The following KCNH7 variants were observed in gnomAD, a reference collection of about 807,000 sequenced individuals.
KCNH7 encodes potassium voltage-gated channel subfamily H member 7.
KCNH7 carries 49 observed loss-of-function variants against 120.8 expected under a neutral mutation model. The ratio of observed to expected loss-of-function variants is 0.41; its 90% CI spans 0.32 to 0.51. KCNH7 has a LOEUF of 0.51. Ranked by LOEUF, KCNH7 falls within the 20% of genes least tolerant of loss-of-function variation. The pLI, the probability that KCNH7 is intolerant of heterozygous loss-of-function variation, is 0.38. For synonymous variants in KCNH7, 547 were observed against 516.1 expected (o/e 1.06, Z -0.81); for missense variants, 1,097 against 1,446.6 (o/e 0.76, Z 3.92).
At chr2:162,389,429 C>T (rs1488150515) in intron 12 of KCNH7, among the ~76,000 whole-genome samples, 3 of 151,828 alleles carry the variant, frequency 2.0e-5, no homozygotes, top group Non-Finnish European at 4.4e-5. Context: ...GGCTACTTGC[C>T]GACTTTATTC....
intron 2 of KCNH7, among the ~76,000 whole-genome samples, chr2:162,747,264 A>G (rs1296635486): frequency 6.6e-6 from 1 of 152,186 alleles, no homozygotes; most frequent in East Asian, 1.9e-4. Flanking sequence ...AATCTTAAAA[A>G]GAAGCTTTAT....
At position 162,596,227 on chromosome 2, in the gene KCNH7, C is replaced by A. The variant is rs79521592; in HGVS notation, c.308-59147G>T. Among the ~76,000 whole-genome samples the A allele has an allele frequency of 2.0e-5, 3 of 151,974 alleles. No homozygotes were observed. In the East Asian group the frequency reaches 5.8e-4, roughly 29 times the overall value. ...AGACAGAGAATTCTATGTGGAACTA[C>A]AAAAGACCCAGATAGCCACAGCAAA... On this transcript the variant is annotated intron_variant, in intron 2 of 15. Coordinates refer to ENST00000332142, the MANE Select transcript of KCNH7 (RefSeq NM_033272.4).
intron 2 of KCNH7, among the ~76,000 whole-genome samples, chr2:162,639,971 T>C (rs979005085): frequency 2.0e-5 from 3 of 152,128 alleles, no homozygotes; most frequent in Non-Finnish European, 2.9e-5. Flanking sequence ...ACTACCAAGA[T>C]TACTTAGGTG....
chr2:162,401,872 G>A (rs1044383867), intron 9 of KCNH7, among the ~76,000 whole-genome samples: 15 of 151,916 alleles, frequency 9.9e-5, no homozygotes, highest in Middle Eastern at 3.4e-3. Context: ...TTTCTCTACC[G>A]TAGAATGAGA....
chr2:162,656,891 A>C (rs1684783481), intron 2 of KCNH7, among the ~76,000 whole-genome samples: 1 of 152,222 alleles, frequency 6.6e-6, no homozygotes, highest in South Asian at 2.1e-4. Context: ...ACAGATAAGA[A>C]AAATGAGAAA....
chr2:162,712,003 G>A (rs1022863101), intron 2 of KCNH7, among the ~76,000 whole-genome samples: 1 of 152,002 alleles, frequency 6.6e-6, no homozygotes, highest in African/African-American at 2.4e-5. Context: ...ATTGTTATGC[G>A]CTTAGGATGT....
intron 2 of KCNH7, among the ~76,000 whole-genome samples, chr2:162,704,272 G>C (rs1463022352): frequency 6.6e-6 from 1 of 152,058 alleles, no homozygotes; most frequent in East Asian, 1.9e-4. Flanking sequence ...GGCCAATGTT[G>C]ATAGATTAAA....
intron 2 of KCNH7, among the ~76,000 whole-genome samples, chr2:162,607,623 C>T (rs1682826603): frequency 1.3e-5 from 2 of 151,646 alleles, no homozygotes; most frequent in Admixed American, 1.3e-4. Context: ...GAATTATTAC[C>T]TAGTGTTTCA....
At chr2:162,383,325 A>G (rs1306284052) in intron 13 of KCNH7, among the ~76,000 whole-genome samples, 1 of 152,014 alleles carries the variant, frequency 6.6e-6, no homozygotes, top group Non-Finnish European at 1.5e-5. Flanking sequence ...TTTCATAAAT[A>G]ACTAAAATGG....
In KCNH7 at chr2:162,662,979, T is replaced by C. The variant is rs566546757; in HGVS notation, c.308-125899A>G. Among the ~76,000 whole-genome samples the C allele has an allele frequency of 4.0e-4, 61 of 152,320 alleles. 1 individual carries two copies. In the South Asian group the frequency reaches 0.012, roughly 31 times the overall value. On this transcript the variant is annotated intron_variant, in intron 2 of 15. Coordinates refer to ENST00000332142, the MANE Select transcript of KCNH7 (RefSeq NM_033272.4). ...TGCCTTTCCAGCTATATAAGCCAAT[T>C]ATTTATCTTGGCCTTATTTAATAGG...
chr2:162,532,111 A>C (rs1004049670), intron 3 of KCNH7, among the ~76,000 whole-genome samples: 4 of 151,930 alleles, frequency 2.6e-5, no homozygotes, highest in Admixed American at 6.6e-5. Flanking sequence ...GTACCCGTAA[A>C]CCATGCTTAT....
At chr2:162,437,526 G>A (rs1002884132) in intron 7 of KCNH7, among the ~76,000 whole-genome samples, 2 of 152,086 alleles carry the variant, frequency 1.3e-5, no homozygotes, top group African/African-American at 4.8e-5. Flanking sequence ...TAGCAGTTAT[G>A]TGCTACGACT....
chr2:162,707,430 C>T (rs1310916940), intron 2 of KCNH7, among the ~76,000 whole-genome samples: 2 of 152,036 alleles, frequency 1.3e-5, no homozygotes, highest in African/African-American at 2.4e-5. Context: ...GTAGCTAGCA[C>T]TCAGCTGTAT....
At chr2:162,629,262 T>C (rs1025320134) in intron 2 of KCNH7, among the ~76,000 whole-genome samples, 4 of 152,070 alleles carry the variant, frequency 2.6e-5, no homozygotes, top group Non-Finnish European at 4.4e-5. Flanking sequence ...GGCATTTTAG[T>C]TGAAACTCAG....
At chr2:162,380,622 T>G (rs1686383150) in intron 13 of KCNH7, among the ~76,000 whole-genome samples, 5 of 152,188 alleles carry the variant, frequency 3.3e-5, no homozygotes, top group Admixed American at 6.6e-5. Context: ...AATGCTTTCT[T>G]GTAGCCCCTT....
intron 6 of KCNH7, among the ~76,000 whole-genome samples, chr2:162,496,126 G>GGC (rs2105730716): frequency 6.6e-6 from 1 of 152,236 alleles, no homozygotes; most frequent in East Asian, 1.9e-4. Flanking sequence ...ACCTCAGGAG[G>GGC]AGCCCTAACT....
At chr2:162,701,626 A>T (rs1686502505) in intron 2 of KCNH7, among the ~76,000 whole-genome samples, 2 of 152,188 alleles carry the variant, frequency 1.3e-5, no homozygotes, top group South Asian at 4.1e-4. Context: ...TAACACCTTA[A>T]AATACTTCTA....
chr2:162,379,980 G>T lies in KCNH7; in HGVS notation c.3004C>A (p.Pro1002Thr), dbSNP rs1686356086. 3 of 1,613,940 alleles carry T rather than the reference G, an allele frequency of 1.9e-6. No individual in the cohort carries two copies. Among genetic ancestry groups the T allele is most frequent in the South Asian group, 1.1e-5 (1 of 91,074 alleles). ...GATGGACTGGAGTCTTCAGGCTGGG[G>T]ATGTGCATTTTCTCGTTCCCAGCTT... ...MRSWERENAHPQPEDSSPSAL... is the reference protein window; with the variant it reads ...MRSWERENAHTQPEDSSPSAL... The change falls in exon 14 of 16, where the codon CCC (proline) becomes ACC (threonine). Residue 1002 changes from proline (P) to threonine (T), a missense_variant. Physicochemically the swap from Pro to Thr is conservative, Grantham distance 38 (BLOSUM62 -1). Transcript: ENST00000332142.
chr2:162,492,564 C>G (rs6731526), intron 6 of KCNH7, among the ~76,000 whole-genome samples: 4 of 152,180 alleles, frequency 2.6e-5, no homozygotes, highest in Non-Finnish European at 5.9e-5. Flanking sequence ...ATCTTCCCTT[C>G]CCTGAGCTAC....
Sources: allele counts gnomAD v4.1 joint callset (sites outside exome capture counted in the v4.1 genomes callset), GRCh38; gene constraint gnomAD v4.1.1; transcripts MANE v1.5; gene names NCBI Gene and HGNC (gene_info 2026-07-23, HGNC 2026-07-21).